The following SEMA3E variants were observed in gnomAD, a reference collection of about 807,000 sequenced individuals.
SEMA3E encodes semaphorin 3E.
Under a neutral mutation model 93.6 loss-of-function variants are expected in SEMA3E, and 49 were observed. The observed-to-expected ratio is 0.52, with a 90% CI of 0.42 to 0.66. The LOEUF is 0.66. Ranked by LOEUF, SEMA3E falls within the 30% of genes least tolerant of loss-of-function variation. The pLI is 0.00. For synonymous variants in SEMA3E, 363 were observed against 330.7 expected (o/e 1.10, Z -1.06); for missense variants, 906 against 964.8 (o/e 0.94, Z 0.81).
chr7:83,376,875 A>G (rs1787646947), intron 16 of SEMA3E, among the ~76,000 whole-genome samples: 1 of 152,040 alleles, frequency 6.6e-6, no homozygotes, highest in African/African-American at 2.4e-5. Context: ...TCCACAATAA[A>G]AAGATCAATA....
chr7:83,556,831 G>C (rs1356660404), intron 1 of SEMA3E, among the ~76,000 whole-genome samples: 3 of 152,092 alleles, frequency 2.0e-5, no homozygotes, highest in Admixed American at 2.0e-4. Context: ...GAAAGGATTC[G>C]AGCCTTACAA....
intron 4 of SEMA3E, among the ~76,000 whole-genome samples, chr7:83,431,849 G>A (rs372403137): frequency 5.9e-5 from 9 of 152,270 alleles, no homozygotes; most frequent in African/African-American, 7.2e-5. Flanking sequence ...AATTAATGTG[G>A]CTGATTGTAT....
At chr7:83,611,377 A>AATATATGTG (rs1461596245) in intron 1 of SEMA3E, among the ~76,000 whole-genome samples, 1 of 143,960 alleles carries the variant, frequency 6.9e-6, no homozygotes, top group African/African-American at 2.6e-5. Flanking sequence ...TATTATATAT[A>AATATATGTG]TAAATTTATA....
At chr7:83,642,564 G>A (rs1274605977) in intron 1 of SEMA3E, among the ~76,000 whole-genome samples, 1 of 151,990 alleles carries the variant, frequency 6.6e-6, no homozygotes. Flanking sequence ...TTCCTATCAT[G>A]AGTGCAAAGA....
At chr7:83,377,002 G>T (rs1407056423) in intron 16 of SEMA3E, among the ~76,000 whole-genome samples, 1 of 151,974 alleles carries the variant, frequency 6.6e-6, no homozygotes, top group Non-Finnish European at 1.5e-5. Context: ...AATAGGCATA[G>T]ATGATATTTT....
intron 1 of SEMA3E, among the ~76,000 whole-genome samples, chr7:83,518,217 A>C (rs1790972437): frequency 2.0e-5 from 3 of 152,198 alleles, no homozygotes; most frequent in African/African-American, 7.2e-5. Context: ...TAGAATGGAC[A>C]AGATGCACAC....
chr7:83,567,612 A>C (rs1792189546), intron 1 of SEMA3E, among the ~76,000 whole-genome samples: 2 of 152,054 alleles, frequency 1.3e-5, no homozygotes, highest in African/African-American at 4.8e-5. Flanking sequence ...GAACTTTGCA[A>C]GTTTTACAAA....
chr7:83,512,562 G>GA (rs879422317), intron 1 of SEMA3E, among the ~76,000 whole-genome samples: 86 of 151,836 alleles, frequency 5.7e-4, no homozygotes, highest in African/African-American at 2.0e-3. Flanking sequence ...GGAAGAAACA[G>GA]AAAAAAAAGT....
chr7:83,611,626 A>C (rs1327752126), intron 1 of SEMA3E, among the ~76,000 whole-genome samples: 1 of 151,532 alleles, frequency 6.6e-6, no homozygotes, highest in Non-Finnish European at 1.5e-5. Flanking sequence ...TCTACCTCCC[A>C]TATCCTACAA....
At chr7:83,453,992 T>A (rs1012571797) in intron 4 of SEMA3E, among the ~76,000 whole-genome samples, 1 of 151,652 alleles carries the variant, frequency 6.6e-6, no homozygotes, top group Non-Finnish European at 1.5e-5. Flanking sequence ...GGCGTGATGG[T>A]TCAAGCCTGT....
chr7:83,464,295 G>A (rs908196888), intron 4 of SEMA3E, among the ~76,000 whole-genome samples: 5 of 151,572 alleles, frequency 3.3e-5, no homozygotes, highest in African/African-American at 1.2e-4. Context: ...ACAGGGTACA[G>A]CCCATTTAAG....
intron 1 of SEMA3E, among the ~76,000 whole-genome samples, chr7:83,492,337 G>A (rs1054977528): frequency 6.6e-5 from 10 of 151,918 alleles, no homozygotes; most frequent in Non-Finnish European, 1.3e-4. Context: ...GCTACCCAGT[G>A]AGGTGATTAA....
chr7:83,558,126 C>G (rs1180609102), intron 1 of SEMA3E, among the ~76,000 whole-genome samples: 1 of 152,036 alleles, frequency 6.6e-6, no homozygotes, highest in Middle Eastern at 3.2e-3. Flanking sequence ...TGTAATTTAA[C>G]AATCTGGGAG....
At chr7:83,607,791 T>G (rs1562853017) in intron 1 of SEMA3E, among the ~76,000 whole-genome samples, 1 of 152,150 alleles carries the variant, frequency 6.6e-6, no homozygotes. Context: ...TAGGAAAGGC[T>G]GGTGAACTGG....
intron 1 of SEMA3E, among the ~76,000 whole-genome samples, chr7:83,550,167 A>G (rs1359063359): frequency 2.0e-5 from 3 of 152,138 alleles, no homozygotes; most frequent in African/African-American, 2.4e-5. Context: ...CACATATGGT[A>G]TTGACTATAT....
intron 1 of SEMA3E, among the ~76,000 whole-genome samples, chr7:83,566,836 C>T (rs1030495953): frequency 6.6e-6 from 1 of 151,920 alleles, no homozygotes; most frequent in African/African-American, 2.4e-5. Flanking sequence ...ACCACCAAAC[C>T]GCAATGATAA....
At chr7:83,639,167 TGATTCAGTA>T (rs1793947641) in intron 1 of SEMA3E, among the ~76,000 whole-genome samples, 1 of 146,930 alleles carries the variant, frequency 6.8e-6, no homozygotes. Context: ...TCAGAATTAT[TGATTCAGTA>T]GATCTGATTC....
At chr7:83,551,063 T>A (rs1791754857) in intron 1 of SEMA3E, among the ~76,000 whole-genome samples, 1 of 152,132 alleles carries the variant, frequency 6.6e-6, no homozygotes, top group Admixed American at 6.6e-5. Context: ...AGGGGAATAC[T>A]CACATTGTCT....
At chr7:83,621,086 C>G (rs1002509834) in intron 1 of SEMA3E, among the ~76,000 whole-genome samples, 1 of 152,040 alleles carries the variant, frequency 6.6e-6, no homozygotes, top group Admixed American at 6.6e-5. Context: ...GATTCTATAT[C>G]TAGACAATCC....
Sources: gnomAD v4.1 joint callset for allele counts (sites outside exome capture counted in the v4.1 genomes callset) on GRCh38, gnomAD v4.1.1 for gene constraint, MANE v1.5 for transcripts, NCBI Gene and HGNC (gene_info 2026-07-23, HGNC 2026-07-21) for gene names.